Variants in CCDC9 observed in about 807,000 individuals in gnomAD.
CCDC9 encodes the protein coiled-coil domain containing 9.
In CCDC9, 52 loss-of-function variants were observed where a neutral mutation model predicts 65.6. The observed-to-expected ratio is 0.79, with a 90% CI of 0.63 to 1.00. The LOEUF is 1.00. Ranked by LOEUF, CCDC9 falls within the 50% of genes least tolerant of loss-of-function variation. The probability of loss-of-function intolerance (pLI) is 0.00; values close to 1 mark genes in which losing one functional copy is unlikely to be tolerated. For missense variants in CCDC9, 834 were observed against 757.2 expected (o/e 1.10, Z -1.19); for synonymous variants, 332 against 280.3 (o/e 1.18, Z -1.84).
intron 7 of CCDC9, 37 bp from the exon 8 acceptor site, chr19:47,266,574 G>T (rs760057485): frequency 6.7e-7 from 1 of 1,481,928 alleles, no homozygotes; most frequent in South Asian, 1.4e-5. Context: ...GGTAGGGTGC[G>T]GGACATCACC....
downstream of CCDC9, chr19:47,274,910 G>A (rs2059146892): frequency 1.5e-6 from 2 of 1,311,032 alleles, no homozygotes; most frequent in Admixed American, 4.3e-5. Flanking sequence ...GAGCCGAGTG[G>A]GCTGCGGGGA....
rs372007462 is a variant in CCDC9, at chr19:47,260,304, C to T, written c.109-17C>T. 1,191 of 1,550,290 alleles carry T rather than the reference C, an allele frequency of 7.7e-4. 2 individuals carry two copies. The highest frequency in any genetic ancestry group is 9.7e-4 in the Non-Finnish European group (1,110 of 1,141,298). On this transcript the variant is annotated splice_polypyrimidine_tract_variant and intron_variant, in intron 3 of 11. Coordinates refer to ENST00000221922, the MANE Select transcript of CCDC9 (RefSeq NM_015603.3). ...CAGGGCACCTGATGCTTCCCTACCC[C>T]GGCTGTCTGCTCCTAGGAGATTGAG...
At chr19:47,270,819 G>C (rs2059111986) in intron 10 of CCDC9, 131 bp downstream of exon 10, 2 of 1,143,466 alleles carry the variant, frequency 1.7e-6, no homozygotes, top group Non-Finnish European at 2.4e-6. Flanking sequence ...CTATCTCGCA[G>C]GTCCGTGGTT....
At chr19:47,275,159 G>C, downstream of CCDC9, 2 of 1,478,548 alleles carry the variant, frequency 1.4e-6, no homozygotes, top group Non-Finnish European at 1.8e-6. Context: ...CTGCCCGCCC[G>C]GGCGTGCCGC....
At chr19:47,272,198 G>C, downstream of CCDC9, 2 of 1,208,906 alleles carry the variant, frequency 1.7e-6, no homozygotes, top group Non-Finnish European at 2.1e-6. Flanking sequence ...GGAGGCCGCT[G>C]CTTCCTCTTT....
chr19:47,272,133 T>C (rs1600294010), downstream of CCDC9: 4 of 1,236,408 alleles, frequency 3.2e-6, no homozygotes, highest in East Asian at 3.1e-5. Flanking sequence ...CCCAGGAAGC[T>C]GAAGAGGAAG....
downstream of CCDC9, chr19:47,275,004 C>T: frequency 2.7e-6 from 4 of 1,476,234 alleles, no homozygotes; most frequent in Non-Finnish European, 8.9e-7. Flanking sequence ...GCGCTGGCTG[C>T]GCTTGGCTCC....
intron 5 of CCDC9, among the ~76,000 whole-genome samples, chr19:47,262,152 G>GGGTGGTCCAGGGGGTGAGGC (rs2059050098): frequency 6.6e-6 from 1 of 151,810 alleles, no homozygotes; most frequent in African/African-American, 2.4e-5. Context: ...GCAGGGAGGT[G>GGGTGGTCCAGGGGGTGAGGC]GGTGGTCCAG....
chr19:47,273,264 TGA>T (rs2059134846), downstream of CCDC9: 2 of 733,812 alleles, frequency 2.7e-6, no homozygotes, highest in East Asian at 3.5e-5. Context: ...TCGAACTGGA[TGA>T]GAGACGTGGC....
intron 5 of CCDC9, among the ~76,000 whole-genome samples, chr19:47,263,453 A>C (rs1437085693): frequency 1.3e-5 from 2 of 152,182 alleles, no homozygotes; most frequent in African/African-American, 4.8e-5. Context: ...TTCCTCCAGC[A>C]CTGAATTGTG....
chr19:47,266,352 G>A (rs1190904247), intron 7 of CCDC9: 1 of 441,274 alleles, frequency 2.3e-6, no homozygotes, highest in Non-Finnish European at 4.0e-6. Context: ...GGTGGGAGCT[G>A]AGTAAATGAA....
chr19:47,259,723 A>G (rs1600276568), intron 3 of CCDC9, among the ~76,000 whole-genome samples: 1 of 152,236 alleles, frequency 6.6e-6, no homozygotes, highest in South Asian at 2.1e-4. Context: ...CGTCAGTGAC[A>G]TACATCACTG....
chr19:47,263,463 G>A (rs1220565045), intron 5 of CCDC9, among the ~76,000 whole-genome samples: 2 of 152,222 alleles, frequency 1.3e-5, no homozygotes, highest in African/African-American at 4.8e-5. Context: ...ACTGAATTGT[G>A]ACAACATGTG....
chr19:47,260,563 A>G, intron 4 of CCDC9, 25 bp from the exon 5 acceptor site: 1 of 1,541,270 alleles, frequency 6.5e-7, no homozygotes, highest in Non-Finnish European at 8.7e-7. Flanking sequence ...CAGTGACTGT[A>G]TTTTCCCCAT....
In CCDC9 at chr19:47,271,917, C is replaced by T. The variant is rs566297252; in HGVS notation, c.*239C>T. On this transcript the variant is annotated 3_prime_UTR_variant, in exon 12 of 12. Coordinates refer to ENST00000221922, the MANE Select transcript of CCDC9 (RefSeq NM_015603.3). ...ACTCCCAGAGCCTGCCCCAGCCCTT[C>T]GAGCCCCCTCCCCAATAAAGAATTC... The T allele has an allele frequency of 6.9e-6, 9 of 1,301,162 alleles. No homozygotes were observed. In the African/African-American group the frequency reaches 7.5e-5, roughly 11 times the overall value. 80.6% of individuals were successfully genotyped at this position (1,301,162 alleles called of 1,614,324 possible).
chr19:47,270,608 C>G lies in CCDC9; in HGVS notation c.1005C>G (p.Ser335=), dbSNP rs201743544. 9.3e-6 allele frequency: 15 copies of G among 1,613,442 alleles called. No homozygotes were observed. Among genetic ancestry groups the G allele is most frequent in the Non-Finnish European group, 1.3e-5 (15 of 1,180,044 alleles). ...PKPPTFGEFL[S]QHKAEASSRR... ...CCCCTACTTTTGGGGAGTTCCTGTC[C>G]CAGCACAAAGCTGAGGCCAGCAGCC... The change falls in exon 10 of 12, where the codon TCC becomes TCG. Residue 335 remains serine, a synonymous_variant. Coordinates refer to ENST00000221922, the MANE Select transcript of CCDC9 (RefSeq NM_015603.3).
chr19:47,257,039 G>T (rs1408309204), intron 1 of CCDC9, among the ~76,000 whole-genome samples: 40 of 149,650 alleles, frequency 2.7e-4, no homozygotes, highest in Non-Finnish European at 3.6e-4. Flanking sequence ...ACAATGTAGT[G>T]GGGGAGCCAG....
chr19:47,267,653 C>A (rs1456495011), intron 8 of CCDC9, among the ~76,000 whole-genome samples: 1 of 152,218 alleles, frequency 6.6e-6, no homozygotes, highest in Non-Finnish European at 1.5e-5. Flanking sequence ...CACCCCGCCT[C>A]ACTGGGGCGG....
chr19:47,258,320 C>A lies in CCDC9; in HGVS notation c.-71-10C>A. The stretch of plus-strand genomic sequence containing the variant: ...ATTGGCCTTTGTCCTTTTTTTCCCT[C>A]TGTCCCCAGGAACCCTCAGTGCTGC... On this transcript the variant is annotated splice_polypyrimidine_tract_variant and intron_variant, in intron 1 of 11. Coordinates refer to ENST00000221922, the MANE Select transcript of CCDC9 (RefSeq NM_015603.3). 6.6e-6 allele frequency: 10 copies of A among 1,508,886 alleles called. No homozygotes were observed. The highest frequency in any genetic ancestry group is 8.3e-6 in the Non-Finnish European group (9 of 1,087,430). 93.5% of individuals were successfully genotyped at this position (1,508,886 alleles called of 1,614,324 possible). A position where few individuals can be genotyped will look rare whatever the true frequency, so the allele number is the denominator to read the frequency against.
Sources: allele counts gnomAD v4.1 joint callset (sites outside exome capture counted in the v4.1 genomes callset), GRCh38; gene constraint gnomAD v4.1.1; transcripts MANE v1.5; gene names NCBI Gene and HGNC (gene_info 2026-07-23, HGNC 2026-07-21).